Variants in FNDC3A observed in about 807,000 individuals in gnomAD.
The protein encoded by FNDC3A is fibronectin type-III domain-containing protein 3A.
Under a neutral mutation model 148.9 loss-of-function variants are expected in FNDC3A, and 32 were observed. The ratio of observed to expected loss-of-function variants is 0.21; its 90% CI spans 0.16 to 0.29. FNDC3A has a LOEUF of 0.29. Among genes scored for constraint, FNDC3A ranks in the 10% least tolerant of loss-of-function variants. The pLI, the probability that FNDC3A is intolerant of heterozygous loss-of-function variation, is 1.00. For synonymous variants in FNDC3A, 472 were observed against 473.6 expected (o/e 1.00, Z 0.04); for missense variants, 1,191 against 1,452.8 (o/e 0.82, Z 2.93).
intron 1 of FNDC3A, among the ~76,000 whole-genome samples, chr13:48,990,588 C>CAA (rs58007137): frequency 0.64 from 37,108 of 57,778 alleles, 11,147 homozygotes; most frequent in East Asian, 0.82. Context: ...CCTGTCTCTC[C>CAA]AAAAAAAAAA....
chr13:49,099,441 A>G, intron 3 of FNDC3A, among the ~76,000 whole-genome samples: 1 of 152,118 alleles, frequency 6.6e-6, no homozygotes, highest in East Asian at 1.9e-4. Flanking sequence ...GAAGTATTTG[A>G]TGCTGCTGTC....
intron 25 of FNDC3A, among the ~76,000 whole-genome samples, chr13:49,204,921 TC>T (rs1446733029): frequency 2.0e-5 from 3 of 152,216 alleles, no homozygotes; most frequent in Non-Finnish European, 4.4e-5. Context: ...GACACCAATA[TC>T]ATCTTGGTCT....
chr13:49,030,643 T>C (rs1477282053), intron 2 of FNDC3A, among the ~76,000 whole-genome samples: 4 of 152,188 alleles, frequency 2.6e-5, no homozygotes, highest in Non-Finnish European at 5.9e-5. Flanking sequence ...CTATTGGAAC[T>C]AATAAACAAG....
At chr13:49,139,161 A>G (rs1882552134) in intron 7 of FNDC3A, among the ~76,000 whole-genome samples, 2 of 152,222 alleles carry the variant, frequency 1.3e-5, no homozygotes, top group African/African-American at 4.8e-5. Context: ...GTTAGGTTAA[A>G]TAGAGCAATC....
intron 2 of FNDC3A, among the ~76,000 whole-genome samples, chr13:49,059,754 G>A (rs989363374): frequency 6.6e-6 from 1 of 152,048 alleles, no homozygotes; most frequent in Non-Finnish European, 1.5e-5. Flanking sequence ...ATCACACCTG[G>A]CCTATAGAAA....
At chr13:49,023,984 C>G (rs1873517775) in intron 2 of FNDC3A, among the ~76,000 whole-genome samples, 1 of 151,700 alleles carries the variant, frequency 6.6e-6, no homozygotes. Context: ...AATTGACTAG[C>G]CATTAGCTAG....
At chr13:48,976,227 C>T (rs1408153028) in intron 1 of FNDC3A, 50 bp downstream of exon 1, 2 of 152,404 alleles carry the variant, frequency 1.3e-5, no homozygotes, top group Non-Finnish European at 2.9e-5. Context: ...ACCGAGCCGT[C>T]CCAACCCCGT....
chr13:49,033,497 C>A (rs1874277693), intron 2 of FNDC3A, among the ~76,000 whole-genome samples: 1 of 151,924 alleles, frequency 6.6e-6, no homozygotes, highest in African/African-American at 2.4e-5. Context: ...ACTTGGTAGA[C>A]TAAGGACAAT....
At chr13:49,111,979 A>G (rs1422853530) in intron 3 of FNDC3A, among the ~76,000 whole-genome samples, 1 of 152,212 alleles carries the variant, frequency 6.6e-6, no homozygotes, top group Non-Finnish European at 1.5e-5. Context: ...AGCGGCTATC[A>G]AAGTATAAAA....
At chr13:49,111,265 A>G (rs902509869) in intron 3 of FNDC3A, among the ~76,000 whole-genome samples, 2 of 152,208 alleles carry the variant, frequency 1.3e-5, no homozygotes, top group Non-Finnish European at 2.9e-5. Context: ...TTTCGCTACT[A>G]TAGACACAGG....
chr13:49,104,914 A>C (rs1880077818), intron 3 of FNDC3A, among the ~76,000 whole-genome samples: 1 of 152,252 alleles, frequency 6.6e-6, no homozygotes, highest in Admixed American at 6.5e-5. Flanking sequence ...ACAAACACAC[A>C]AAATGCTAAC....
At position 49,075,261 on chromosome 13, in the gene FNDC3A, A is replaced by G. The variant is rs769285597; in HGVS notation, c.100-28A>G. 7.2e-6 allele frequency: 10 copies of G among 1,381,822 alleles called. No homozygotes were observed. In the East Asian group the frequency reaches 1.9e-4, roughly 26 times the overall value. 85.6% of individuals were successfully genotyped at this position (1,381,822 alleles called of 1,614,324 possible). A position where few individuals can be genotyped will look rare whatever the true frequency, so the allele number is the denominator to read the frequency against. ...TTCTGATTTGCTTTTTTTTGTTTTG[A>G]TTAATACTTCTTCCCCTCATTTTTA... On this transcript the variant is annotated intron_variant, in intron 2 of 25. Transcript: ENST00000492622.
At chr13:49,051,549 C>A (rs1158537707) in intron 2 of FNDC3A, among the ~76,000 whole-genome samples, 1 of 152,206 alleles carries the variant, frequency 6.6e-6, no homozygotes, top group African/African-American at 2.4e-5. Context: ...TGCTGTTAAT[C>A]TGATAAGTTT....
intron 3 of FNDC3A, among the ~76,000 whole-genome samples, chr13:49,092,711 C>G (rs550219605): frequency 1.3e-5 from 2 of 151,818 alleles, no homozygotes; most frequent in South Asian, 4.2e-4. Flanking sequence ...CCTTCAAAAC[C>G]CAATACTAGT....
At chr13:49,020,705 C>G (rs980993382) in intron 2 of FNDC3A, among the ~76,000 whole-genome samples, 27 of 152,326 alleles carry the variant, frequency 1.8e-4, no homozygotes, top group Middle Eastern at 3.4e-3. Context: ...GAGCCCTTAC[C>G]CTGTGTTCAG....
intron 3 of FNDC3A, among the ~76,000 whole-genome samples, chr13:49,113,382 C>G (rs1257022274): frequency 6.6e-6 from 1 of 151,836 alleles, no homozygotes; most frequent in Admixed American, 6.6e-5. Context: ...CCCTAGCTCT[C>G]TCATCTCCCT....
At chr13:49,028,329 G>T (rs1873870976) in intron 2 of FNDC3A, among the ~76,000 whole-genome samples, 1 of 151,870 alleles carries the variant, frequency 6.6e-6, no homozygotes, top group Non-Finnish European at 1.5e-5. Context: ...TGCCATTGTA[G>T]CCCTGAGCTC....
chr13:49,087,421 C>T (rs963524554), intron 3 of FNDC3A, among the ~76,000 whole-genome samples: 8 of 152,108 alleles, frequency 5.3e-5, no homozygotes, highest in African/African-American at 1.4e-4. Context: ...TATTTTATTA[C>T]GTAGGTAGAA....
intron 3 of FNDC3A, among the ~76,000 whole-genome samples, chr13:49,092,770 A>T (rs1593579342): frequency 6.6e-6 from 1 of 152,244 alleles, no homozygotes; most frequent in South Asian, 2.1e-4. Flanking sequence ...TAAAAAAAAA[A>T]AAAAGTGCTC....
Sources: gnomAD v4.1 joint callset for allele counts (sites outside exome capture counted in the v4.1 genomes callset) on GRCh38, gnomAD v4.1.1 for gene constraint, MANE v1.5 for transcripts, NCBI Gene and HGNC (gene_info 2026-07-23, HGNC 2026-07-21) for gene names.